Variants in ZFHX3 observed in about 807,000 individuals in gnomAD.
ZFHX3 encodes the protein zinc finger homeobox protein 3.
In ZFHX3, 42 loss-of-function variants were observed where a neutral mutation model predicts 279.1. That is an observed-to-expected ratio of 0.15 (90% CI 0.12 to 0.19). The LOEUF (loss-of-function observed/expected upper bound fraction) is 0.19, where lower values mean the gene tolerates loss of function less well. Among genes scored for constraint, ZFHX3 ranks in the 10% least tolerant of loss-of-function variants. The probability of loss-of-function intolerance (pLI) is 1.00; values close to 1 mark genes in which losing one functional copy is unlikely to be tolerated. For synonymous variants in ZFHX3, 2,293 were observed against 1,957.8 expected (o/e 1.17, Z -4.52); for missense variants, 4,981 against 4,754.0 (o/e 1.05, Z -1.40).
intron 2 of ZFHX3, among the ~76,000 whole-genome samples, chr16:73,672,806 T>C (rs2052917297): frequency 6.6e-6 from 1 of 152,138 alleles, no homozygotes; most frequent in Non-Finnish European, 1.5e-5. Flanking sequence ...GAGGAATCTG[T>C]ATATCCAAAA....
rs144056436 is a variant in ZFHX3 at position 72,875,988 on chromosome 16, T to C, written c.3448+13743A>G. 2.6e-5 allele frequency among the ~76,000 whole-genome samples: 4 copies of C among 152,326 alleles called. No individual in the cohort carries two copies. In the East Asian group the frequency reaches 7.7e-4, roughly 29 times the overall value. On this transcript the variant is annotated intron_variant, in intron 4 of 9. Transcript: ENST00000268489. ...GAATTAATGTTGAAATGAGCTTATT[T>C]TTCTGTCCTAAAGGGAAAACGAGCC...
intron 8 of ZFHX3, among the ~76,000 whole-genome samples, chr16:73,075,525 G>A (rs62052370): frequency 0.016 from 2,390 of 152,056 alleles, 28 homozygotes; most frequent in South Asian, 0.051. Flanking sequence ...CACCTTACAC[G>A]CAAAGCCTAA....
intron 2 of ZFHX3, among the ~76,000 whole-genome samples, chr16:73,547,409 T>C (rs2020137473): frequency 6.6e-6 from 1 of 152,230 alleles, no homozygotes; most frequent in Non-Finnish European, 1.5e-5. Flanking sequence ...AAGTTCAGAA[T>C]TTCTTTATCT....
intron 1 of ZFHX3, among the ~76,000 whole-genome samples, chr16:72,990,309 G>A (rs1963032857): frequency 2.0e-5 from 3 of 152,210 alleles, no homozygotes; most frequent in African/African-American, 7.2e-5. Flanking sequence ...GAAACGCATT[G>A]TACTTGTGAA....
upstream of ZFHX3, chr16:73,048,451 C>T (rs556019648): frequency 6.6e-6 from 1 of 152,076 alleles, no homozygotes; most frequent in Admixed American, 6.5e-5. Context: ...GCGCACCCGC[C>T]TGGGGCCAGG....
At chr16:73,483,181 G>A in intron 2 of ZFHX3, 1 of 345,172 alleles carries the variant, frequency 2.9e-6, no homozygotes, top group African/African-American at 2.2e-5. Flanking sequence ...CTCCGAGGGT[G>A]ACCCCGGAGG....
At chr16:73,415,261 C>T (rs1340186158) in intron 3 of ZFHX3, among the ~76,000 whole-genome samples, 1 of 152,160 alleles carries the variant, frequency 6.6e-6, no homozygotes, top group Non-Finnish European at 1.5e-5. Context: ...AAGAAACAGA[C>T]TTGGCTTATA....
At chr16:73,038,105 C>T (rs1242072044) in intron 1 of ZFHX3, among the ~76,000 whole-genome samples, 1 of 152,212 alleles carries the variant, frequency 6.6e-6, no homozygotes, top group Non-Finnish European at 1.5e-5. Context: ...CCCCTCTTTC[C>T]AGTCACAGCT....
intron 5 of ZFHX3, among the ~76,000 whole-genome samples, chr16:73,256,208 A>G (rs929010970): frequency 6.6e-6 from 1 of 152,148 alleles, no homozygotes; most frequent in African/African-American, 2.4e-5. Context: ...GGCAGAGCCA[A>G]TGAGCCTACA....
intron 5 of ZFHX3, among the ~76,000 whole-genome samples, chr16:72,817,435 A>T (rs1470371939): frequency 1.3e-5 from 2 of 152,214 alleles, no homozygotes; most frequent in Admixed American, 1.3e-4. Flanking sequence ...AGCCTGAAGA[A>T]AAACTGGAAA....
chr16:72,901,919 C>G (rs2039047123), intron 3 of ZFHX3, among the ~76,000 whole-genome samples: 1 of 152,202 alleles, frequency 6.6e-6, no homozygotes, highest in Admixed American at 6.5e-5. Flanking sequence ...TTCCCCCACC[C>G]CCTTTTTAAG....
rs189623603 is a variant in ZFHX3, at chr16:73,882,079, A to G, written c.-1608+9572T>C. On this transcript the variant is annotated intron_variant, in intron 1 of 17. Coordinates refer to the ZFHX3 transcript ENST00000641206. ...AAAAGCACCGCTAAGTGCTAAGTGTAAAACGGCATTAGTAATTCCACTCGG... is the reference window on the plus strand; with the variant it reads ...AAAAGCACCGCTAAGTGCTAAGTGTGAAACGGCATTAGTAATTCCACTCGG... Among the ~76,000 whole-genome samples, 157 of 152,336 alleles carry G rather than the reference A, an allele frequency of 1.0e-3. 1 individual carries two copies. The South Asian group carries it at 0.014, about 14-fold the overall frequency.
chr16:73,152,120 A>G (rs1966958241), intron 5 of ZFHX3, among the ~76,000 whole-genome samples: 1 of 152,146 alleles, frequency 6.6e-6, no homozygotes, highest in African/African-American at 2.4e-5. Flanking sequence ...AACTGCTCAT[A>G]TGTCCCGAAC....
chr16:72,845,822 C>A (rs114460281), intron 4 of ZFHX3, among the ~76,000 whole-genome samples: 1 of 152,176 alleles, frequency 6.6e-6, no homozygotes, highest in African/African-American at 2.4e-5. Context: ...ACAATCATCA[C>A]TCAGCTGAAG....
intron 3 of ZFHX3, among the ~76,000 whole-genome samples, chr16:73,378,050 A>C (rs866778792): frequency 0.091 from 12,779 of 140,784 alleles, 956 homozygotes; most frequent in Non-Finnish European, 0.12. Flanking sequence ...AAAAAAAAAA[A>C]AAAAAAAAAA....
intron 2 of ZFHX3, among the ~76,000 whole-genome samples, chr16:73,478,287 T>G (rs1157866833): frequency 2.3e-5 from 3 of 132,962 alleles, no homozygotes; most frequent in Non-Finnish European, 4.7e-5. Flanking sequence ...AAAAAAAAAG[T>G]CAGAATTAGG....
intron 1 of ZFHX3, among the ~76,000 whole-genome samples, chr16:73,025,286 T>C (rs1270935652): frequency 6.6e-6 from 1 of 152,010 alleles, no homozygotes. Flanking sequence ...CACCAGCCCA[T>C]GCAGGACTCA....
rs867197668 is a variant in ZFHX3, at chr16:73,219,876, A to T, written c.-1104+37171T>A. On this transcript the variant is annotated intron_variant, in intron 5 of 17. Transcript: ENST00000641206. Reference sequence around the variant, plus strand: ...CAAAGTGGGCAGATGACCTGAGGTCAGGAGTTGGAGACCAGCCTGGCCAAC... The same window carrying T: ...CAAAGTGGGCAGATGACCTGAGGTCTGGAGTTGGAGACCAGCCTGGCCAAC... Among the ~76,000 whole-genome samples the T allele has an allele frequency of 1.9e-4, 29 of 152,344 alleles. 1 individual carries two copies. The highest frequency in any genetic ancestry group is 5.2e-4 in the Admixed American group (8 of 15,304).
At chr16:73,357,228 AC>A (rs1808745535) in intron 3 of ZFHX3, among the ~76,000 whole-genome samples, 1 of 151,680 alleles carries the variant, frequency 6.6e-6, no homozygotes, top group Admixed American at 6.6e-5. Flanking sequence ...CCACCACAAA[AC>A]CCCAGCAAGA....
Sources: allele counts gnomAD v4.1 joint callset (sites outside exome capture counted in the v4.1 genomes callset), GRCh38; gene constraint gnomAD v4.1.1; transcripts MANE v1.5; gene names NCBI Gene and HGNC (gene_info 2026-07-23, HGNC 2026-07-21).